COL5A1: variants seen among roughly 807,000 people sequenced by gnomAD.
COL5A1 encodes collagen type V alpha 1 chain, also known as collagen alpha-1(V) chain.
A neutral mutation model predicts 263.7 loss-of-function variants in COL5A1; 16 were observed. That is an observed-to-expected ratio of 0.06 (90% CI 0.04 to 0.09). The LOEUF (loss-of-function observed/expected upper bound fraction) is 0.09. Ranked by LOEUF, COL5A1 falls within the 10% of genes least tolerant of loss-of-function variation. The pLI is 1.00. For synonymous variants in COL5A1, 1,012 were observed against 1,004.5 expected, an observed-to-expected ratio of 1.01 and a Z score of -0.14; for missense variants, 2,036 against 2,540.5, an observed-to-expected ratio of 0.80 and a Z score of 4.27.
chr9:134,664,934 C>T (rs1235864149), intron 1 of COL5A1, among the ~76,000 whole-genome samples: 4 of 152,180 alleles, frequency 2.6e-5, no homozygotes, highest in Non-Finnish European at 5.9e-5. Context: ...CACGGTGGCT[C>T]ACGCCTGTAA....
At chr9:134,718,006 C>CT (rs1159736476) in intron 4 of COL5A1, among the ~76,000 whole-genome samples, 1 of 146,356 alleles carries the variant, frequency 6.8e-6, no homozygotes, top group Non-Finnish European at 1.5e-5. Context: ...GCAGCCTGGG[C>CT]TGGGGGGCCG....
Position 134,738,921 on chromosome 9 carries a change from T to C in COL5A1, c.1494+113T>C. 5 of 848,806 alleles carry C rather than the reference T, an allele frequency of 5.9e-6. No individual in the cohort carries two copies. In the East Asian group the frequency reaches 7.3e-5, roughly 12 times the overall value. The allele number at this position is 848,806 out of a possible 1,614,324, so 52.6% of individuals were successfully genotyped here. On this transcript the variant is annotated intron_variant, in intron 11 of 65. Transcript: ENST00000371817. ...CCTGTGGAGGTGACCCAGAGGCTTG[T>C]GTCTTCAAATCCCCCCTCACCCAGG...
intron 4 of COL5A1, among the ~76,000 whole-genome samples, chr9:134,725,406 A>G (rs1348412428): frequency 6.6e-6 from 1 of 152,148 alleles, no homozygotes; most frequent in Non-Finnish European, 1.5e-5. Context: ...ATTCGTCATC[A>G]CTGTCATTAC....
chr9:134,703,906 T>C (rs955213031), intron 4 of COL5A1, among the ~76,000 whole-genome samples: 1 of 152,130 alleles, frequency 6.6e-6, no homozygotes, highest in Non-Finnish European at 1.5e-5. Context: ...CCCACAGTGC[T>C]GGGATTGCAG....
rs544489940 is a variant in COL5A1, at chr9:134,805,316, C to T, written c.3258+102C>T. ...AGAGCATGCAGCTGCCCCAGACCCC[C>T]GAGGAGCCTGGGGAGGATGTGGAGG... On this transcript the variant is annotated intron_variant, in intron 41 of 65. Transcript: ENST00000371817. 875 of 1,357,464 alleles carry T rather than the reference C, an allele frequency of 6.4e-4. 11 individuals carry two copies. In the South Asian group the frequency reaches 6.7e-3, roughly 10 times the overall value. 84.1% of individuals were successfully genotyped at this position (1,357,464 alleles called of 1,614,324 possible).
At position 134,821,747 on chromosome 9, in the gene COL5A1, C is replaced by T. The variant is rs1839009103; in HGVS notation, c.4555-350C>T. ...CAGGAAACAGCAAGAGGGGCCCAAG[C>T]CAGGGCCACAATGTCAGGGCAGTGG... On this transcript the variant is annotated intron_variant, in intron 58 of 65. Transcript: ENST00000371817. This position sits in a 1 kb window ranked among gnomAD's most constrained non-coding sequence, Gnocchi z 4.2. Among the ~76,000 whole-genome samples, 1 of 152,234 alleles carries T rather than the reference C, an allele frequency of 6.6e-6. No homozygotes were observed. Among genetic ancestry groups the T allele is most frequent in the Non-Finnish European group, 1.5e-5 (1 of 68,044 alleles).
At chr9:134,796,926 C>A in intron 36 of COL5A1, 25 bp downstream of exon 36, 3 of 1,605,958 alleles carry the variant, frequency 1.9e-6, no homozygotes, top group Non-Finnish European at 2.6e-6. Flanking sequence ...CCTTGCTGGG[C>A]CAGCACTGCC....
chr9:134,733,040 C>G (rs1450904636), intron 9 of COL5A1, among the ~76,000 whole-genome samples: 2 of 152,212 alleles, frequency 1.3e-5, no homozygotes, highest in Non-Finnish European at 2.9e-5. Context: ...CCATGTTGTC[C>G]AAGTGCCCAC....
At chr9:134,834,233 G>T (rs367731901) in intron 64 of COL5A1, among the ~76,000 whole-genome samples, 23 of 152,294 alleles carry the variant, frequency 1.5e-4, no homozygotes, top group African/African-American at 4.3e-4. Context: ...GCTGCTCCAG[G>T]TGCCCCGACC....
At position 134,768,387 on chromosome 9, in the gene COL5A1, A is replaced by G. The variant is rs549676100; in HGVS notation, c.2233-23A>G. On this transcript the variant is annotated intron_variant, in intron 24 of 65. Coordinates refer to ENST00000371817, the MANE Select transcript of COL5A1 (RefSeq NM_000093.5). ...GTGAGCCTAGGGAGGGCATCTCCTC[A>G]TGGAGTCTCTGGTTTGTTCTAGGGT... The G allele has an allele frequency of 1.2e-5, 19 of 1,612,204 alleles. No individual in the cohort carries two copies. The South Asian group carries it at 1.8e-4, about 15-fold the overall frequency.
rs983759015 is a variant in COL5A1, at chr9:134,750,997, T to C, written c.1662+115T>C. The C allele has an allele frequency of 8.8e-6, 8 of 912,090 alleles. No individual in the cohort carries two copies. The African/African-American group carries it at 1.1e-4, about 13-fold the overall frequency. 56.5% of individuals were successfully genotyped at this position (912,090 alleles called of 1,614,324 possible). ...ACTTGGAGGGAAGCAGCTGTCTTGA[T>C]CCCAGAATGCCTGCTTGCTGGGGTC... is the stretch of plus-strand genomic sequence containing the variant. On this transcript the variant is annotated intron_variant, in intron 13 of 65. Transcript: ENST00000371817.
In COL5A1 at chr9:134,785,006, C is replaced by T. The variant is rs144775947; in HGVS notation, c.2502C>T (p.Pro834=). The change falls in exon 30 of 66, where the codon CCC becomes CCT. Residue 834 remains proline, a synonymous_variant. Coordinates refer to ENST00000371817, the MANE Select transcript of COL5A1 (RefSeq NM_000093.5). ...GCTTGCAGGGGGAGATCGGCCCACC[C>T]GGTCCCAGGGGAGAAGATGGCCCTG... ...IKGDRGEIGP[P]GPRGEDGPEG... 2.5e-5 allele frequency: 40 copies of T among 1,613,186 alleles called. No individual in the cohort carries two copies. Among genetic ancestry groups the T allele is most frequent in the South Asian group, 1.4e-4 (13 of 91,090 alleles).
Position 134,757,352 on chromosome 9 carries a change from C to G in COL5A1, c.1881+534C>G, listed in dbSNP as rs144850152. 4.8e-3 allele frequency among the ~76,000 whole-genome samples: 728 copies of G among 152,250 alleles called. 7 individuals carry two copies. The highest frequency in any genetic ancestry group is 0.017 in the African/African-American group (697 of 41,536). On this transcript the variant is annotated intron_variant, in intron 17 of 65. Transcript: ENST00000371817. The surrounding 1 kb of genome is among the most constrained non-coding windows in gnomAD (Gnocchi z 6.2). ...CCCAGCACTGCTGTGAGCATTGCCC[C>G]GGTCTTGGCTCACCCCTCCTCCTCG...
At position 134,811,472 on chromosome 9, in the gene COL5A1, G is replaced by A; in HGVS notation, c.3583-20G>A. ...TGGCATTGCCAGCATCCTCACCCAT[G>A]GCCGGTTATTTCCCTGCAGGGAGCT... On this transcript the variant is annotated intron_variant, in intron 45 of 65. Coordinates refer to ENST00000371817, the MANE Select transcript of COL5A1 (RefSeq NM_000093.5). 6.2e-7 allele frequency: 1 copy of A among 1,613,784 alleles called. No homozygotes were observed. The highest frequency in any genetic ancestry group is 8.5e-7 in the Non-Finnish European group (1 of 1,179,782).
At chr9:134,687,178 A>G (rs1833107597) in intron 1 of COL5A1, among the ~76,000 whole-genome samples, 1 of 152,070 alleles carries the variant, frequency 6.6e-6, no homozygotes, top group Admixed American at 6.5e-5. Flanking sequence ...GTGTCTGGGG[A>G]TATGGCCCTG....
intron 1 of COL5A1, among the ~76,000 whole-genome samples, chr9:134,648,147 G>T (rs1192771918): frequency 6.6e-6 from 1 of 151,978 alleles, no homozygotes; most frequent in Non-Finnish European, 1.5e-5. Flanking sequence ...TTTCTCCTGT[G>T]CTGGACGCTT....
At chr9:134,717,627 CAG>C (rs974599287) in intron 4 of COL5A1, among the ~76,000 whole-genome samples, 2 of 152,178 alleles carry the variant, frequency 1.3e-5, no homozygotes, top group African/African-American at 2.4e-5. Context: ...CCTGCCAGGA[CAG>C]GGGAGGTTTG....
intron 22 of COL5A1, 73 bp from the exon 23 acceptor site, chr9:134,766,927 G>A (rs555024458): frequency 2.8e-6 from 4 of 1,408,146 alleles, no homozygotes; most frequent in Non-Finnish European, 4.0e-6. Context: ...GCCAGTGAGG[G>A]GGCACACGAC....
intron 42 of COL5A1, among the ~76,000 whole-genome samples, chr9:134,806,522 A>C (rs763000113): frequency 6.6e-6 from 1 of 152,154 alleles, no homozygotes; most frequent in Non-Finnish European, 1.5e-5. Context: ...TCTTTCCGCC[A>C]TCAGCTGAGC....
Sources: allele counts gnomAD v4.1 joint callset (sites outside exome capture counted in the v4.1 genomes callset), GRCh38; gene constraint gnomAD v4.1.1; non-coding constraint Gnocchi (gnomAD v3.1); transcripts MANE v1.5; gene names NCBI Gene and HGNC (gene_info 2026-07-23, HGNC 2026-07-21).